Variants in HAVCR2 observed in about 807,000 individuals in gnomAD.
The protein encoded by HAVCR2 is T cell immunoglobulin mucin 3.
A neutral mutation model predicts 24.7 loss-of-function variants in HAVCR2; 13 were observed. The observed-to-expected ratio is 0.53, with a 90% confidence interval of 0.34 to 0.84. The LOEUF is 0.84. Ranked by LOEUF, HAVCR2 falls within the 40% of genes least tolerant of loss-of-function variation. The pLI is 0.01. For synonymous variants in HAVCR2, 154 were observed against 143.4 expected (o/e 1.07, Z -0.53); for missense variants, 343 against 371.2 (o/e 0.92, Z 0.62).
Position 157,106,719 on chromosome 5 carries a change from G to A in HAVCR2, c.302C>T (p.Thr101Ile), listed in dbSNP as rs147827860. 4.5e-3 allele frequency: 7,228 copies of A among 1,614,200 alleles called. 42 individuals carry two copies. The highest frequency in any genetic ancestry group is 3.4e-3 in the Non-Finnish European group (4,060 of 1,180,038). Residue 101 changes from threonine (T) to isoleucine (I), a missense_variant, in exon 2 of 7, where the codon ACT becomes ATT. Physicochemically the swap from Thr to Ile is moderately conservative, Grantham distance 89 (BLOSUM62 -1). Coordinates refer to ENST00000307851, the MANE Select transcript of HAVCR2 (RefSeq NM_032782.5). The part of the protein sequence containing the change: ...GDVSLTIENV[T>I]LADSGIYCCR... Reference sequence around the variant, plus strand: ...GCAGTAGATCCCACTGTCTGCTAGAGTCACATTCTCTATGGTCAGGGACAC... The same window carrying A: ...GCAGTAGATCCCACTGTCTGCTAGAATCACATTCTCTATGGTCAGGGACAC...
rs869177923 is a variant in HAVCR2, at chr5:157,090,122, C to CTTT, written c.677-1148_677-1146dup. Among the ~76,000 whole-genome samples the CTTT allele has an allele frequency of 8.2e-3, 539 of 65,566 alleles. 17 individuals are homozygous for CTTT. Among genetic ancestry groups the CTTT allele is most frequent in the Middle Eastern group, 0.021 (1 of 48 alleles). The allele number at this position is 65,566 out of a possible 152,430, so 43.0% of individuals were successfully genotyped here. A position where few individuals can be genotyped will look rare whatever the true frequency, so the allele number is the denominator to read the frequency against. On this transcript the variant is annotated intron_variant, in intron 5 of 6. Transcript: ENST00000307851. ...TTAAAATTTTCCTTTCTTTTCTTTT[C>CTTT]TTTTTTTTTTTTTTTTTTTTTTTTT... is the stretch of plus-strand genomic sequence containing the variant.
In HAVCR2 at chr5:157,106,889, G is replaced by T. The variant is rs762287960; in HGVS notation, c.132C>A (p.Ala44=). 2.5e-6 allele frequency: 4 copies of T among 1,614,066 alleles called. No individual in the cohort carries two copies. The African/African-American group carries it at 5.3e-5, about 22-fold the overall frequency. ...AYLPCFYTPA[A]PGNLVPVCWG... is the part of the protein sequence containing the mutation. Reference sequence around the variant, plus strand: ...AGCAGACGGGCACGAGGTTCCCTGGGGCGGCTGGGGTGTAGAAGCAGGGCA... The same window carrying T: ...AGCAGACGGGCACGAGGTTCCCTGGTGCGGCTGGGGTGTAGAAGCAGGGCA... Residue 44 remains alanine (A), a synonymous_variant, in exon 2 of 7, where the codon GCC becomes GCA. Transcript: ENST00000307851.
intron 2 of HAVCR2, chr5:157,106,018 G>C (rs1561624114): frequency 1.3e-5 from 2 of 152,312 alleles, no homozygotes; most frequent in Non-Finnish European, 2.9e-5. Context: ...GGCATCTATA[G>C]TTGTTTAAAA....
chr5:157,102,421 G>T (rs1428769360), intron 3 of HAVCR2, among the ~76,000 whole-genome samples: 1 of 152,052 alleles, frequency 6.6e-6, no homozygotes, highest in South Asian at 2.1e-4. Context: ...GAGTTGGTTT[G>T]CCAGCAGCCA....
intron 4 of HAVCR2, among the ~76,000 whole-genome samples, chr5:157,098,146 C>T (rs1184530381): frequency 6.6e-6 from 1 of 152,066 alleles, no homozygotes; most frequent in African/African-American, 2.4e-5. Context: ...ATGGCTCACG[C>T]CTGCAATCTC....
Position 157,104,679 on chromosome 5 carries a change from C to A in HAVCR2, c.465G>T (p.Arg155Ser). The A allele has an allele frequency of 6.2e-7, 1 of 1,602,694 alleles. No individual in the cohort carries two copies. Among genetic ancestry groups the A allele is most frequent in the South Asian group, 1.1e-5 (1 of 88,934 alleles). ...ATGCATAGTTACCTGGGCCATGTCC[C>A]CTGGTGGTAAGCATCCTTGGAAAGG... ...TAAFPRMLTT[R>S]GHGPAETQTL... The change falls in exon 3 of 7, where the codon AGG (arginine) becomes AGT (serine). Residue 155 changes from arginine (R) to serine (S), a missense_variant. Physicochemically the swap from Arg to Ser is moderately radical, Grantham distance 110. Coordinates refer to ENST00000307851, the MANE Select transcript of HAVCR2 (RefSeq NM_032782.5).
rs1757256885 is a variant in HAVCR2, at chr5:157,106,717, G to C, written c.304C>G (p.Leu102Val). The change falls in exon 2 of 7, where the codon CTA becomes GTA. Residue 102 changes from leucine to valine, a missense_variant. Coordinates refer to ENST00000307851, the MANE Select transcript of HAVCR2 (RefSeq NM_032782.5). ...DVSLTIENVT[L>V]ADSGIYCCRI... ...CAGCAGTAGATCCCACTGTCTGCTAGAGTCACATTCTCTATGGTCAGGGAC... is the reference window on the plus strand; with the variant it reads ...CAGCAGTAGATCCCACTGTCTGCTACAGTCACATTCTCTATGGTCAGGGAC... The C allele has an allele frequency of 1.9e-6, 3 of 1,614,238 alleles. No individual in the cohort carries two copies. Among genetic ancestry groups the C allele is most frequent in the Non-Finnish European group, 2.5e-6 (3 of 1,180,044 alleles).
chr5:157,097,138 GT>G (rs1241282979), intron 4 of HAVCR2, among the ~76,000 whole-genome samples: 4 of 151,960 alleles, frequency 2.6e-5, no homozygotes, highest in Non-Finnish European at 4.4e-5. Context: ...AAAAAGCACT[GT>G]TTGATTGCAA....
chr5:157,106,871 G>C lies in HAVCR2; in HGVS notation c.150C>G (p.Pro50=). The change falls in exon 2 of 7, where the codon CCC becomes CCG. Residue 50 remains proline, a synonymous_variant. Transcript: ENST00000307851. ...GACAGGCTCCTTTGCCCCAGCAGAC[G>C]GGCACGAGGTTCCCTGGGGCGGCTG... is the stretch of plus-strand genomic sequence containing the variant. ...YTPAAPGNLV[P]VCWGKGACPV... The C allele has an allele frequency of 6.2e-7, 1 of 1,614,140 alleles. No homozygotes were observed. Among genetic ancestry groups the C allele is most frequent in the Admixed American group, 1.7e-5 (1 of 60,014 alleles).
chr5:157,108,302 G>A (rs1757281692), intron 1 of HAVCR2, among the ~76,000 whole-genome samples: 1 of 151,972 alleles, frequency 6.6e-6, no homozygotes. Context: ...GACCAACATG[G>A]TAAAACCCTG....
At chr5:157,102,808 G>A (rs765883922) in intron 3 of HAVCR2, among the ~76,000 whole-genome samples, 21 of 151,938 alleles carry the variant, frequency 1.4e-4, no homozygotes, top group Non-Finnish European at 2.5e-4. Flanking sequence ...GGTGGCGCGC[G>A]TCTGTAATCC....
At chr5:157,099,597 A>G (rs1407013761) in intron 3 of HAVCR2, among the ~76,000 whole-genome samples, 1 of 150,780 alleles carries the variant, frequency 6.6e-6, no homozygotes, top group African/African-American at 2.4e-5. Context: ...ACAAAAATTC[A>G]TTTCCTTCTT....
At chr5:157,090,720 T>A (rs138083843) in intron 5 of HAVCR2, among the ~76,000 whole-genome samples, 142 of 152,208 alleles carry the variant, frequency 9.3e-4, no homozygotes, top group African/African-American at 3.3e-3. Flanking sequence ...GAAGGAGGAA[T>A]AAAGAAATGA....
At position 157,106,631 on chromosome 5, in the gene HAVCR2, T is replaced by G. The variant is rs1206400189; in HGVS notation, c.390A>C (p.Lys130Asn). 6.2e-7 allele frequency: 1 copy of G among 1,613,260 alleles called. No individual in the cohort carries two copies. The highest frequency in any genetic ancestry group is 8.5e-7 in the Non-Finnish European group (1 of 1,179,258). ...DEKFNLKLVI[K>N]PAKVTPAPTR... ...GGCATGCAAATGTCCACTCACCTGG[T>G]TTGATGACCAACTTCAGGTTAAATT... Residue 130 changes from lysine (K) to asparagine (N), a missense_variant, in exon 2 of 7, where the codon AAA becomes AAC. Physicochemically the swap from Lys to Asn is moderately conservative, Grantham distance 94. Coordinates refer to ENST00000307851, the MANE Select transcript of HAVCR2 (RefSeq NM_032782.5).
At chr5:157,103,705 A>G (rs367934493) in intron 3 of HAVCR2, among the ~76,000 whole-genome samples, 2 of 152,344 alleles carry the variant, frequency 1.3e-5, no homozygotes, top group Admixed American at 6.5e-5. Context: ...TCATGTTTAT[A>G]CATTACAACC....
At chr5:157,090,427 T>C (rs1001562849) in intron 5 of HAVCR2, among the ~76,000 whole-genome samples, 5 of 152,102 alleles carry the variant, frequency 3.3e-5, no homozygotes, top group African/African-American at 1.2e-4. Flanking sequence ...AAACCTCATC[T>C]CTACTAAAAA....
At chr5:157,095,203 A>G in intron 5 of HAVCR2, 103 bp downstream of exon 5, 1 of 1,240,644 alleles carries the variant, frequency 8.1e-7, no homozygotes, top group Non-Finnish European at 1.1e-6. Context: ...ATTTAGTCTA[A>G]TCATCTTTGG....
chr5:157,096,977 C>A (rs964091373), intron 4 of HAVCR2, among the ~76,000 whole-genome samples: 1 of 150,164 alleles, frequency 6.7e-6, no homozygotes, highest in Admixed American at 6.7e-5. Context: ...TAATTATAAG[C>A]ATTTTTAAAA....
chr5:157,090,122 C>CTTTTTTTTTTTTTTT lies in HAVCR2; in HGVS notation c.677-1160_677-1146dup, dbSNP rs869177923. Among the ~76,000 whole-genome samples the CTTTTTTTTTTTTTTT allele has an allele frequency of 9.4e-3, 612 of 65,438 alleles. 3 individuals carry two copies. Among genetic ancestry groups the CTTTTTTTTTTTTTTT allele is most frequent in the Middle Eastern group, 0.02 (1 of 50 alleles). The allele number at this position is 65,438 out of a possible 152,430, so 42.9% of individuals were successfully genotyped here. A position where few individuals can be genotyped will look rare whatever the true frequency, so the allele number is the denominator to read the frequency against. ...TTAAAATTTTCCTTTCTTTTCTTTT[C>CTTTTTTTTTTTTTTT]TTTTTTTTTTTTTTTTTTTTTTTTT... is the stretch of plus-strand genomic sequence containing the variant. On this transcript the variant is annotated intron_variant, in intron 5 of 6. Coordinates refer to ENST00000307851, the MANE Select transcript of HAVCR2 (RefSeq NM_032782.5).
Sources: gnomAD v4.1 joint callset for allele counts (sites outside exome capture counted in the v4.1 genomes callset) on GRCh38, gnomAD v4.1.1 for gene constraint, MANE v1.5 for transcripts, NCBI Gene and HGNC (gene_info 2026-07-23, HGNC 2026-07-21) for gene names.